Variants in SREBF1 observed in about 807,000 individuals in gnomAD.
SREBF1 encodes the protein sterol regulatory element-binding protein 1.
In SREBF1, 45 loss-of-function variants were observed where a neutral mutation model predicts 100.1. The observed-to-expected ratio is 0.45, with a 90% CI of 0.35 to 0.58. SREBF1 has a LOEUF of 0.58. SREBF1 is among the 20% of genes least tolerant of loss of function. The pLI is 0.00. For synonymous variants in SREBF1, 657 were observed against 681.8 expected (o/e 0.96, Z 0.57); for missense variants, 1,324 against 1,539.4 (o/e 0.86, Z 2.34).
intron 5 of SREBF1, 21 bp from the exon 6 acceptor site, chr17:17,818,395 G>A: frequency 1.3e-6 from 2 of 1,599,238 alleles, no homozygotes; most frequent in Non-Finnish European, 1.7e-6. Context: ...TGGGAGGGAG[G>A]GGGAGCGCAC....
intron 1 of SREBF1, among the ~76,000 whole-genome samples, chr17:17,831,246 T>C (rs565959180): frequency 4.2e-4 from 64 of 151,634 alleles, no homozygotes; most frequent in African/African-American, 1.5e-3. Context: ...GGGCATGAGA[T>C]ATCCTGGGGA....
chr17:17,818,810 A>G lies in SREBF1; in HGVS notation c.1068+203T>C, dbSNP rs541777331. 2.1e-4 allele frequency: 135 copies of G among 651,404 alleles called. No homozygotes were observed. In the East Asian group the frequency reaches 3.3e-3, roughly 16 times the overall value. 40.4% of individuals were successfully genotyped at this position (651,404 alleles called of 1,614,324 possible). A position where few individuals can be genotyped will look rare whatever the true frequency, so the allele number is the denominator to read the frequency against. On this transcript the variant is annotated intron_variant, in intron 5 of 18. Transcript: ENST00000261646. ...TGTCTTGTTCATTGCTGCATCCCCAATGCCTAGCACAGCCCCACCTTTATT... is the reference window on the plus strand; with the variant it reads ...TGTCTTGTTCATTGCTGCATCCCCAGTGCCTAGCACAGCCCCACCTTTATT...
rs13306741 is a variant in SREBF1, at chr17:17,811,708, C to A, written c.*914G>T. On this transcript the variant is annotated 3_prime_UTR_variant, in exon 19 of 19. Transcript: ENST00000261646. The stretch of plus-strand genomic sequence containing the variant: ...GAGGTGAGACGTGCCAGACTTCTTG[C>A]AGGGAGACCCAAGCTGTAGCTCCTG... 1,302 of 454,644 alleles carry A rather than the reference C, an allele frequency of 2.9e-3. 22 individuals carry two copies. The East Asian group carries it at 0.049, about 17-fold the overall frequency. The allele number at this position is 454,644 out of a possible 1,614,324, so 28.2% of individuals were successfully genotyped here.
At position 17,820,071 on chromosome 17, in the gene SREBF1, C is replaced by G. The variant is rs200023224; in HGVS notation, c.523+19G>C. The G allele has an allele frequency of 8.7e-6, 14 of 1,603,584 alleles. No homozygotes were observed. The highest frequency in any genetic ancestry group is 1.2e-5 in the Non-Finnish European group (14 of 1,175,074). ...AAGCCCCACCCCGGGTGTCCCCTCC[C>G]GCCACACATCCCCCTTACCTGTAGA... On this transcript the variant is annotated intron_variant, in intron 2 of 18. Transcript: ENST00000261646.
intron 2 of SREBF1, 54 bp from the exon 3 acceptor site, chr17:17,819,779 A>G: frequency 6.6e-7 from 1 of 1,524,360 alleles, no homozygotes; most frequent in Non-Finnish European, 8.8e-7. Flanking sequence ...CCCACTTTCA[A>G]CCTGCTCTTC....
Position 17,812,824 on chromosome 17 carries a change from G to A in SREBF1, c.3242C>T (p.Pro1081Leu). Reference sequence around the variant, plus strand: ...GGCCTCCGCGTGCTCCCGCCGCGTGGGCCGCGGCTCCAGCTCCGCCACCGC... The same window carrying A: ...GGCCTCCGCGTGCTCCCGCCGCGTGAGCCGCGGCTCCAGCTCCGCCACCGC... The part of the protein sequence containing the change: ...GGAVAELEPR[P>L]TRREHAEALL... The change falls in exon 19 of 19, where the codon CCC becomes CTC. Residue 1081 changes from proline (P) to leucine (L), a missense_variant. By Grantham distance (98) the Pro-to-Leu change is moderately conservative (BLOSUM62 -3). Transcript: ENST00000261646. The A allele has an allele frequency of 6.8e-7, 1 of 1,478,132 alleles. No individual in the cohort carries two copies. The highest frequency in any genetic ancestry group is 8.9e-7 in the Non-Finnish European group (1 of 1,121,416). 91.6% of individuals were successfully genotyped at this position (1,478,132 alleles called of 1,614,324 possible).
Position 17,815,949 on chromosome 17 carries a change from T to A in SREBF1, c.2294A>T (p.His765Leu). 1.2e-6 allele frequency: 2 copies of A among 1,612,380 alleles called. No individual in the cohort carries two copies. The highest frequency in any genetic ancestry group is 1.7e-6 in the Non-Finnish European group (2 of 1,179,780). ...CACGAAGAAACGGTGGCCCACGGGG[T>A]GGCAGAGCCACTGCATGGCAGGAGG... is the stretch of plus-strand genomic sequence containing the variant. ...SVPPAMQWLC[H>L]PVGHRFFVDG... The change falls in exon 12 of 19, where the codon CAC (histidine) becomes CTC (leucine). Residue 765 changes from histidine (H) to leucine (L), a missense_variant. His to Leu is a moderately conservative substitution (Grantham distance 99, BLOSUM62 -3). Coordinates refer to ENST00000261646, the MANE Select transcript of SREBF1 (RefSeq NM_004176.5).
intron 1 of SREBF1, among the ~76,000 whole-genome samples, chr17:17,827,133 A>AGTGGGC (rs772110233): frequency 6.6e-6 from 1 of 152,220 alleles, no homozygotes; most frequent in Non-Finnish European, 1.5e-5. Context: ...AAGGCCCTGC[A>AGTGGGC]GTGGGCGTGG....
intron 1 of SREBF1, among the ~76,000 whole-genome samples, chr17:17,828,399 C>T (rs982161831): frequency 6.6e-6 from 1 of 152,220 alleles, no homozygotes; most frequent in Admixed American, 6.5e-5. Context: ...TTCCTCCTCC[C>T]CACTAGGCTC....
chr17:17,814,059 GA>G, intron 16 of SREBF1, 185 bp downstream of exon 16: 2 of 722,378 alleles, frequency 2.8e-6, no homozygotes, highest in East Asian at 2.7e-5. Context: ...ACTGAGGCCA[GA>G]TAGGGGCAAC....
rs1421693347 is a variant in SREBF1 at position 17,814,711 on chromosome 17, G to A, written c.2639C>T (p.Thr880Ile). Residue 880 changes from threonine to isoleucine, a missense_variant, in exon 15 of 19, where the codon ACA becomes ATA. Thr to Ile is a moderately conservative substitution (Grantham distance 89, BLOSUM62 -1). Transcript: ENST00000261646. ...DPVAKWWASL[T>I]AVVIHWLRRD... Reference sequence around the variant, plus strand: ...CCGCAGCCAGTGGATCACCACAGCTGTCAGAGAGGCCCACCACTTGGCCAC... The same window carrying A: ...CCGCAGCCAGTGGATCACCACAGCTATCAGAGAGGCCCACCACTTGGCCAC... The A allele has an allele frequency of 1.9e-6, 3 of 1,607,542 alleles. No homozygotes were observed. Among genetic ancestry groups the A allele is most frequent in the Non-Finnish European group, 2.5e-6 (3 of 1,178,432 alleles).
At chr17:17,815,137 C>A (rs980001640) in intron 13 of SREBF1, 84 bp downstream of exon 13, 1 of 1,399,976 alleles carries the variant, frequency 7.1e-7, no homozygotes, top group Non-Finnish European at 1.0e-6. Flanking sequence ...CAGCTCTGGG[C>A]TCTCTCCACA....
chr17:17,815,438 G>T (rs2033453903), intron 12 of SREBF1, 109 bp from the exon 13 acceptor site: 1 of 855,078 alleles, frequency 1.2e-6, no homozygotes, highest in Admixed American at 2.0e-5. Flanking sequence ...CCACTGGGAA[G>T]TGCCGGCATG....
intron 1 of SREBF1, among the ~76,000 whole-genome samples, chr17:17,835,381 C>T (rs963280367): frequency 1.6e-4 from 24 of 152,202 alleles, no homozygotes; most frequent in Non-Finnish European, 3.4e-4. Flanking sequence ...AGGGCCTCTC[C>T]TCTGGGGTCC....
intron 9 of SREBF1, 90 bp from the exon 10 acceptor site, chr17:17,816,808 G>C: frequency 6.4e-7 from 1 of 1,573,666 alleles, no homozygotes; most frequent in Non-Finnish European, 8.6e-7. Context: ...GCTCTGGAGG[G>C]GTGGTGGGGG....
chr17:17,823,499 G>C (rs749997116), intron 1 of SREBF1: 10 of 1,579,926 alleles, frequency 6.3e-6, no homozygotes, highest in African/African-American at 1.3e-5. Context: ...AGGGCTGGTG[G>C]GGAGGCCTCC....
At chr17:17,822,912 G>A (rs2034201796) in intron 1 of SREBF1, among the ~76,000 whole-genome samples, 1 of 152,166 alleles carries the variant, frequency 6.6e-6, no homozygotes, top group African/African-American at 2.4e-5. Flanking sequence ...TGGGGTGGCA[G>A]CCCCAGTCTT....
chr17:17,833,149 C>T (rs1226542639), intron 1 of SREBF1, among the ~76,000 whole-genome samples: 1 of 151,642 alleles, frequency 6.6e-6, no homozygotes. Context: ...TCCAGCCGGG[C>T]GCGGTGGCTC....
In SREBF1 at chr17:17,815,321, G is replaced by A. The variant is rs771046469; in HGVS notation, c.2392C>T (p.Leu798=). 20 of 1,613,226 alleles carry A rather than the reference G, an allele frequency of 1.2e-5. No individual in the cohort carries two copies. Among genetic ancestry groups the A allele is most frequent in the Non-Finnish European group, 1.6e-5 (19 of 1,179,792 alleles). The part of the protein sequence containing the change: ...YSLAGNPVDP[L]AQVTQLFREH... Reference sequence around the variant, plus strand: ...CGGAATAGCTGAGTCACCTGGGCCAGGGGGTCCACTGTGGAGAGGAGGAGG... The same window carrying A: ...CGGAATAGCTGAGTCACCTGGGCCAAGGGGTCCACTGTGGAGAGGAGGAGG... Residue 798 remains leucine (L), a synonymous_variant, in exon 13 of 19, where the codon CTG becomes TTG. Transcript: ENST00000261646.
Sources: allele counts gnomAD v4.1 joint callset (sites outside exome capture counted in the v4.1 genomes callset), GRCh38; gene constraint gnomAD v4.1.1; transcripts MANE v1.5; gene names NCBI Gene and HGNC (gene_info 2026-07-23, HGNC 2026-07-21).